Variants in LPP observed in about 807,000 individuals in gnomAD.
LPP encodes lipoma-preferred partner.
A neutral mutation model predicts 60.4 loss-of-function variants in LPP; 38 were observed. The observed-to-expected ratio is 0.63, with a 90% CI of 0.49 to 0.83. LPP has a LOEUF of 0.83. Ranked by LOEUF, LPP falls within the 40% of genes least tolerant of loss-of-function variation. LPP has a pLI of 0.00. For synonymous variants in LPP, 328 were observed against 290.8 expected, an observed-to-expected ratio of 1.13 and a Z score of -1.30; for missense variants, 902 against 783.6, an observed-to-expected ratio of 1.15 and a Z score of -1.80.
At chr3:188,851,912 C>T (rs1019766731) in intron 9 of LPP, among the ~76,000 whole-genome samples, 11 of 152,134 alleles carry the variant, frequency 7.2e-5, no homozygotes, top group South Asian at 4.1e-4. Context: ...CCTTTAATCC[C>T]GGCACACTGG....
At chr3:188,381,535 G>A (rs1404721406) in intron 3 of LPP, among the ~76,000 whole-genome samples, 1 of 152,142 alleles carries the variant, frequency 6.6e-6, no homozygotes, top group Non-Finnish European at 1.5e-5. Flanking sequence ...AGAAGGTTGG[G>A]GAAAGCAAAG....
intron 8 of LPP, among the ~76,000 whole-genome samples, chr3:188,722,386 C>G (rs1299146988): frequency 6.6e-6 from 1 of 152,062 alleles, no homozygotes; most frequent in Admixed American, 6.6e-5. Context: ...GAGCAATAGT[C>G]TAATGTAGAT....
intron 7 of LPP, among the ~76,000 whole-genome samples, chr3:188,680,809 A>T (rs1009887662): frequency 6.6e-6 from 1 of 152,114 alleles, no homozygotes; most frequent in African/African-American, 2.4e-5. Flanking sequence ...TGTCACCTCA[A>T]ACTTTGAAAT....
intron 7 of LPP, among the ~76,000 whole-genome samples, chr3:188,693,677 G>A (rs2149495672): frequency 6.6e-6 from 1 of 152,302 alleles, no homozygotes; most frequent in African/African-American, 2.4e-5. Context: ...GGCCACATCT[G>A]TTCATGCCAG....
chr3:188,789,377 G>A (rs1339604733), intron 9 of LPP, among the ~76,000 whole-genome samples: 1 of 152,142 alleles, frequency 6.6e-6, no homozygotes, highest in Non-Finnish European at 1.5e-5. Flanking sequence ...TGGGCCCAGG[G>A]GGCTGGCCTT....
chr3:188,520,456 G>T (rs1818560901), intron 5 of LPP, among the ~76,000 whole-genome samples: 1 of 152,158 alleles, frequency 6.6e-6, no homozygotes, highest in Admixed American at 6.5e-5. Flanking sequence ...TCACAACCAG[G>T]AGAACAGTAT....
In LPP at chr3:188,890,125, A is replaced by T; in HGVS notation, c.*15646A>T. The T allele has an allele frequency of 4.6e-6, 1 of 216,796 alleles. No homozygotes were observed. Among genetic ancestry groups the T allele is most frequent in the Non-Finnish European group, 9.3e-6 (1 of 107,590 alleles). The allele number at this position is 216,796 out of a possible 1,614,324, so 13.4% of individuals were successfully genotyped here. On this transcript the variant is annotated 3_prime_UTR_variant, in exon 12 of 12. Transcript: ENST00000617246. ...GTTTACAAGTGGATAGATAAGGCGG[A>T]GATGGTGAGAAGCCGGGTTTTCTCT...
intron 9 of LPP, among the ~76,000 whole-genome samples, chr3:188,849,990 T>C (rs1373570099): frequency 2.0e-5 from 3 of 152,252 alleles, no homozygotes; most frequent in East Asian, 3.8e-4. Flanking sequence ...TTTTAAAAGA[T>C]GAGGAGGTTC....
intron 9 of LPP, among the ~76,000 whole-genome samples, chr3:188,795,012 G>T (rs1006654782): frequency 3.9e-5 from 6 of 152,178 alleles, no homozygotes; most frequent in Non-Finnish European, 7.3e-5. Flanking sequence ...GTGTGTGCCT[G>T]TAGTCCCAGC....
chr3:188,292,336 C>A (rs924217472), intron 2 of LPP, among the ~76,000 whole-genome samples: 1 of 152,198 alleles, frequency 6.6e-6, no homozygotes, highest in African/African-American at 2.4e-5. Context: ...TTAAGCATAT[C>A]AATTATTTTT....
At chr3:188,756,407 G>T (rs1730266512) in intron 8 of LPP, among the ~76,000 whole-genome samples, 1 of 152,172 alleles carries the variant, frequency 6.6e-6, no homozygotes, top group Non-Finnish European at 1.5e-5. Context: ...AATCAGCTGT[G>T]TTTCCTTCAT....
intron 9 of LPP, among the ~76,000 whole-genome samples, chr3:188,825,567 G>A (rs1174287173): frequency 6.6e-6 from 1 of 151,884 alleles, no homozygotes; most frequent in Non-Finnish European, 1.5e-5. Context: ...CAGGCGACAG[G>A]GTTCTGAGAG....
chr3:188,731,228 G>A (rs1720354118), intron 8 of LPP, among the ~76,000 whole-genome samples: 1 of 152,116 alleles, frequency 6.6e-6, no homozygotes, highest in Non-Finnish European at 1.5e-5. Context: ...ACCTAAATAA[G>A]TCTATTTTTT....
At chr3:188,626,984 T>C (rs1846968063) in intron 7 of LPP, among the ~76,000 whole-genome samples, 1 of 152,192 alleles carries the variant, frequency 6.6e-6, no homozygotes, top group African/African-American at 2.4e-5. Flanking sequence ...AACACTCTTA[T>C]GAATTAAATT....
At chr3:188,803,090 G>T (rs1747830937) in intron 9 of LPP, among the ~76,000 whole-genome samples, 2 of 140,510 alleles carry the variant, frequency 1.4e-5, no homozygotes, top group Non-Finnish European at 1.5e-5. Context: ...TATTATTCAG[G>T]CTAGAGTGTA....
rs374471455 is a variant in LPP at position 188,368,719 on chromosome 3, CAGAGAGAG to C, written c.-10+27022_-10+27029del. 2.3e-3 allele frequency among the ~76,000 whole-genome samples: 230 copies of C among 99,630 alleles called. 2 individuals carry two copies. The highest frequency in any genetic ancestry group is 6.9e-3 in the East Asian group (24 of 3,492). The allele number at this position is 99,630 out of a possible 152,430, so 65.4% of individuals were successfully genotyped here. ...ACACACACACACACACACACACACA[CAGAGAGAG>C]AGAGAGAGAGAGAGAGAGAGAACAG... On this transcript the variant is annotated intron_variant, in intron 3 of 11. Transcript: ENST00000617246.
At chr3:188,853,150 CA>C (rs149569269) in intron 9 of LPP, among the ~76,000 whole-genome samples, 128 of 139,706 alleles carry the variant, frequency 9.2e-4, no homozygotes, top group African/African-American at 1.0e-3. Context: ...GACTCTGTCT[CA>C]AAAAAAAAAA....
At chr3:188,543,404 T>C (rs946742889) in intron 6 of LPP, among the ~76,000 whole-genome samples, 5 of 152,194 alleles carry the variant, frequency 3.3e-5, no homozygotes, top group African/African-American at 1.2e-4. Context: ...TGTATATAGC[T>C]TAGCTGGACC....
chr3:188,630,018 A>C (rs570360890), intron 7 of LPP, among the ~76,000 whole-genome samples: 1 of 152,294 alleles, frequency 6.6e-6, no homozygotes, highest in South Asian at 2.1e-4. Context: ...AAAATCTTAG[A>C]AGAAAACCTA....
Sources: allele counts gnomAD v4.1 joint callset (sites outside exome capture counted in the v4.1 genomes callset), GRCh38; gene constraint gnomAD v4.1.1; transcripts MANE v1.5; gene names NCBI Gene and HGNC (gene_info 2026-07-23, HGNC 2026-07-21).